Variants in MCF2L observed in about 807,000 individuals in gnomAD.
MCF2L encodes MCF.2 cell line derived transforming sequence like.
MCF2L carries 97 observed loss-of-function variants against 153.4 expected under a neutral mutation model. That is an observed-to-expected ratio of 0.63 (90% CI 0.54 to 0.75). The LOEUF (loss-of-function observed/expected upper bound fraction) is 0.75, where lower values mean the gene tolerates loss of function less well. MCF2L is among the 30% of genes least tolerant of loss of function. The pLI, the probability that MCF2L is intolerant of heterozygous loss-of-function variation, is 0.00. For synonymous variants in MCF2L, 659 were observed against 632.2 expected (o/e 1.04, Z -0.64); for missense variants, 1,347 against 1,495.2 (o/e 0.90, Z 1.64).
rs188009618 is a variant in MCF2L at position 112,974,731 on chromosome 13, A to G, written c.79+5273A>G. 2.9e-3 allele frequency among the ~76,000 whole-genome samples: 438 copies of G among 152,314 alleles called. 2 individuals carry two copies. Among genetic ancestry groups the G allele is most frequent in the African/African-American group, 0.01 (422 of 41,570 alleles). On this transcript the variant is annotated intron_variant, in intron 1 of 29. Coordinates refer to ENST00000535094, the MANE Select transcript of MCF2L (RefSeq NM_001112732.3). ...CTTTCGCCATAATAAAAAACAAGGCATAAGCATCACAATCAGAAGTTCTCC... is the reference window on the plus strand; with the variant it reads ...CTTTCGCCATAATAAAAAACAAGGCGTAAGCATCACAATCAGAAGTTCTCC...
chr13:113,021,631 C>G (rs533139761), intron 2 of MCF2L, among the ~76,000 whole-genome samples: 3 of 152,180 alleles, frequency 2.0e-5, no homozygotes, highest in Non-Finnish European at 4.4e-5. Flanking sequence ...AGAAGTAGAG[C>G]CTGTTCTTGG....
chr13:113,086,372 G>T, intron 21 of MCF2L, 123 bp downstream of exon 21: 2 of 1,402,732 alleles, frequency 1.4e-6, no homozygotes, highest in Non-Finnish European at 1.9e-6. Flanking sequence ...TGGGCAGGAG[G>T]TCTGGGGTGG....
intron 3 of MCF2L, among the ~76,000 whole-genome samples, chr13:113,034,678 C>G (rs759099867): frequency 9.2e-5 from 14 of 151,988 alleles, no homozygotes; most frequent in Non-Finnish European, 2.1e-4. Flanking sequence ...TCACCCTGGT[C>G]TCACCCTCAC....
Position 113,046,366 on chromosome 13 carries a change from C to T in MCF2L, c.369+1005C>T. ...CTCCCAGGCTCTGGGACCCTGGGTC[C>T]TCAGCTGTGATGGCACAATTGCTCC... is the stretch of plus-strand genomic sequence containing the variant. On this transcript the variant is annotated intron_variant, in intron 4 of 29. Transcript: ENST00000535094. This position sits in a 1 kb window ranked among gnomAD's most constrained non-coding sequence, Gnocchi z 4.4. The T allele has an allele frequency of 2.7e-6, 1 of 364,804 alleles. No individual in the cohort carries two copies. The highest frequency in any genetic ancestry group is 5.3e-6 in the Non-Finnish European group (1 of 187,178). 22.6% of individuals were successfully genotyped at this position (364,804 alleles called of 1,614,324 possible).
At position 113,088,265 on chromosome 13, in the gene MCF2L, C is replaced by T. The variant is rs1021524486; in HGVS notation, c.2689-62C>T. 3.7e-6 allele frequency: 5 copies of T among 1,367,526 alleles called. No individual in the cohort carries two copies. The East Asian group carries it at 9.2e-5, about 25-fold the overall frequency. 84.7% of individuals were successfully genotyped at this position (1,367,526 alleles called of 1,614,324 possible). A position where few individuals can be genotyped will look rare whatever the true frequency, so the allele number is the denominator to read the frequency against. On this transcript the variant is annotated intron_variant, in intron 23 of 29. Coordinates refer to ENST00000535094, the MANE Select transcript of MCF2L (RefSeq NM_001112732.3). ...ATCTTTGGATGTTCCGAGAGTGAAA[C>T]CAAAGCGTGTTTCCTCGGGGGCCTG...
In MCF2L at chr13:112,979,897, T is replaced by C. The variant is rs1043002420; in HGVS notation, c.79+10439T>C. 1.5e-5 allele frequency: 11 copies of C among 746,066 alleles called. No homozygotes were observed. The African/African-American group carries it at 2.0e-4, about 13-fold the overall frequency. The allele number at this position is 746,066 out of a possible 1,614,324, so 46.2% of individuals were successfully genotyped here. The stretch of plus-strand genomic sequence containing the variant: ...AAAACCTGTGCAGCTCGGAGACTTC[T>C]TAAAAAGGTAGAGATAACTGCTGAG... On this transcript the variant is annotated intron_variant, in intron 1 of 29. Coordinates refer to ENST00000535094, the MANE Select transcript of MCF2L (RefSeq NM_001112732.3).
Position 113,085,130 on chromosome 13 carries a change from CCTG to C in MCF2L, c.2203_2205del (p.Leu735del). On this transcript the variant is annotated inframe_deletion, in exon 20 of 30. Transcript: ENST00000535094. ...ACCACAAGCTGAGCCTGGACTCCTA[CCTG>C]CTGAAGCCAGTGCAGAGGATCACCA... 1 of 1,613,670 alleles carries C rather than the reference CCTG, an allele frequency of 6.2e-7. No homozygotes were observed. The highest frequency in any genetic ancestry group is 8.5e-7 in the Non-Finnish European group (1 of 1,180,024).
At chr13:113,010,117 C>CT (rs1243785218) in intron 1 of MCF2L, 1 of 147,114 alleles carries the variant, frequency 6.8e-6, no homozygotes, top group African/African-American at 2.5e-5. Flanking sequence ...CCCCCCATAC[C>CT]CCCCCCACCC....
At position 112,951,203 on chromosome 13, in the gene MCF2L, C is replaced by T. The variant is rs1349831420; in HGVS notation, c.169+48832C>T. On this transcript the variant is annotated intron_variant, in intron 2 of 29. Coordinates refer to the MCF2L transcript ENST00000375608. The surrounding 1 kb of genome is among the most constrained non-coding windows in gnomAD (Gnocchi z 4.8). The stretch of plus-strand genomic sequence containing the variant: ...CTAAGATAAAAGATAGTGCCAACTT[C>T]GAATGCTGGCAGGGATGTGGATAAA... Among the ~76,000 whole-genome samples, 2 of 152,144 alleles carry T rather than the reference C, an allele frequency of 1.3e-5. No individual in the cohort carries two copies. Among genetic ancestry groups the T allele is most frequent in the Non-Finnish European group, 1.5e-5 (1 of 68,034 alleles).
intron 2 of MCF2L, among the ~76,000 whole-genome samples, chr13:112,911,962 A>G (rs2081237522): frequency 6.6e-6 from 1 of 152,242 alleles, no homozygotes; most frequent in African/African-American, 2.4e-5. Context: ...TAGGAATGAG[A>G]TGAACTTTGA....
intron 1 of MCF2L, among the ~76,000 whole-genome samples, chr13:112,982,529 A>T (rs1437687352): frequency 2.0e-5 from 3 of 151,796 alleles, no homozygotes. Flanking sequence ...GCAGATGGGG[A>T]GTCTGGGGGG....
chr13:113,090,070 G>T lies in MCF2L; in HGVS notation c.2953+342G>T, dbSNP rs775712496. ...AGTTTCTTTCTCTTCCTTCATAGAT[G>T]ACACGGTCACTAGCTCTGCCTCAGA... On this transcript the variant is annotated intron_variant, in intron 26 of 29. Coordinates refer to ENST00000535094, the MANE Select transcript of MCF2L (RefSeq NM_001112732.3). 9 of 1,558,660 alleles carry T rather than the reference G, an allele frequency of 5.8e-6. 1 individual carries two copies. Among genetic ancestry groups the T allele is most frequent in the Non-Finnish European group, 7.8e-6 (9 of 1,151,870 alleles).
chr13:113,063,540 C>T (rs548695140), intron 5 of MCF2L, among the ~76,000 whole-genome samples: 4 of 152,180 alleles, frequency 2.6e-5, no homozygotes, highest in East Asian at 1.9e-4. Context: ...CAGCCACCCA[C>T]GGTGTCCAGG....
chr13:113,000,806 A>G (rs1411188383), intron 1 of MCF2L, among the ~76,000 whole-genome samples: 1 of 152,158 alleles, frequency 6.6e-6, no homozygotes, highest in Non-Finnish European at 1.5e-5. Flanking sequence ...CTCTGCGGAG[A>G]AAGGCGCCGG....
At chr13:112,909,378 C>A in intron 2 of MCF2L, 1 of 767,258 alleles carries the variant, frequency 1.3e-6, no homozygotes, top group Non-Finnish European at 2.4e-6. Flanking sequence ...TGGGTTGAAG[C>A]CAGGCTAAGG....
intron 1 of MCF2L, among the ~76,000 whole-genome samples, chr13:112,981,261 A>C (rs2082414916): frequency 6.6e-6 from 1 of 152,154 alleles, no homozygotes; most frequent in South Asian, 2.1e-4. Context: ...ATGTCTCCAC[A>C]CCATGGGGTA....
intron 27 of MCF2L, 37 bp from the exon 28 acceptor site, chr13:113,096,334 G>A: frequency 6.8e-7 from 1 of 1,475,384 alleles, no homozygotes; most frequent in Non-Finnish European, 9.3e-7. Flanking sequence ...CGGGGCGGGT[G>A]CTGACGCTGT....
intron 3 of MCF2L, chr13:113,044,984 G>C (rs1405687942): frequency 6.8e-7 from 1 of 1,477,648 alleles, no homozygotes; most frequent in Non-Finnish European, 9.2e-7. Context: ...AAATGACTGA[G>C]CTCGGGAGAG....
rs556887281 is a variant in MCF2L at position 113,014,735 on chromosome 13, A to T, written c.80-28A>T. ...AGGGTGAGGCAGCTTCCTGGGACTG[A>T]CACGTGCCGTCTGCTCTTTCCGTGC... On this transcript the variant is annotated intron_variant, in intron 1 of 29. Coordinates refer to ENST00000535094, the MANE Select transcript of MCF2L (RefSeq NM_001112732.3). 4.8e-5 allele frequency: 77 copies of T among 1,604,046 alleles called. 1 individual carries two copies. In the South Asian group the frequency reaches 8.0e-4, roughly 17 times the overall value.
Sources: allele counts gnomAD v4.1 joint callset (sites outside exome capture counted in the v4.1 genomes callset), GRCh38; gene constraint gnomAD v4.1.1; non-coding constraint Gnocchi (gnomAD v3.1); transcripts MANE v1.5; gene names NCBI Gene and HGNC (gene_info 2026-07-23, HGNC 2026-07-21).